Variants in EHD3 observed in about 807,000 individuals in gnomAD.
EHD3 encodes EH domain-containing protein 3.
Under a neutral mutation model 43.0 loss-of-function variants are expected in EHD3, and 17 were observed. The observed-to-expected ratio is 0.40, with a 90% CI of 0.27 to 0.59. The LOEUF is 0.59. Ranked by LOEUF, EHD3 falls within the 20% of genes least tolerant of loss-of-function variation. The pLI is 0.49. For missense variants in EHD3, 594 were observed against 705.6 expected (o/e 0.84, Z 1.79); for synonymous variants, 313 against 289.5 (o/e 1.08, Z -0.82).
At chr2:31,240,162 G>A (rs3769627) in intron 1 of EHD3, among the ~76,000 whole-genome samples, 80,186 of 152,044 alleles carry the variant, frequency 0.53, 22,732 homozygotes, top group East Asian at 0.79. Flanking sequence ...GCTTGTGTCT[G>A]TGGGATGCGT....
rs1301479247 is a variant in EHD3, at chr2:31,268,971, T to G, written c.*2267T>G. ...TTGAAGTCTCCACCCAGGAGAGACCTGTGAGGTGTGGGAATTCCATGTTTG... is the reference window on the plus strand; with the variant it reads ...TTGAAGTCTCCACCCAGGAGAGACCGGTGAGGTGTGGGAATTCCATGTTTG... On this transcript the variant is annotated 3_prime_UTR_variant, in exon 6 of 6. Transcript: ENST00000322054. 1 of 152,250 alleles carries G rather than the reference T, an allele frequency of 6.6e-6. No individual in the cohort carries two copies. The highest frequency in any genetic ancestry group is 1.5e-5 in the Non-Finnish European group (1 of 68,050). 9.4% of individuals were successfully genotyped at this position (152,250 alleles called of 1,614,324 possible).
intron 5 of EHD3, 76 bp downstream of exon 5, chr2:31,261,789 C>A (rs1683864837): frequency 1.9e-6 from 3 of 1,548,316 alleles, no homozygotes; most frequent in Admixed American, 3.6e-5. Flanking sequence ...ATGGAGGAGG[C>A]CACTCTTGGA....
rs1683999045 is a variant in EHD3 at position 31,268,686 on chromosome 2, A to G, written c.*1982A>G. 6.6e-6 allele frequency: 1 copy of G among 152,238 alleles called. No individual in the cohort carries two copies. The highest frequency in any genetic ancestry group is 1.5e-5 in the Non-Finnish European group (1 of 68,060). 9.4% of individuals were successfully genotyped at this position (152,238 alleles called of 1,614,324 possible). On this transcript the variant is annotated 3_prime_UTR_variant, in exon 6 of 6. Coordinates refer to ENST00000322054, the MANE Select transcript of EHD3 (RefSeq NM_014600.3). The stretch of plus-strand genomic sequence containing the variant: ...CTTTCACATGAAATGAAGGGCAGAC[A>G]AAGGCCAGGCAAAGAGGTCTCACCT...
rs978278830 is a variant in EHD3 at position 31,244,198 on chromosome 2, G to T, written c.228-76G>T. 4.9e-6 allele frequency: 7 copies of T among 1,442,372 alleles called. No homozygotes were observed. In the African/African-American group the frequency reaches 8.4e-5, roughly 17 times the overall value. 89.3% of individuals were successfully genotyped at this position (1,442,372 alleles called of 1,614,324 possible). A position where few individuals can be genotyped will look rare whatever the true frequency, so the allele number is the denominator to read the frequency against. On this transcript the variant is annotated intron_variant, in intron 1 of 5. Coordinates refer to ENST00000322054, the MANE Select transcript of EHD3 (RefSeq NM_014600.3). Reference sequence around the variant, plus strand: ...TGCCCTCCCCTCTGACTCGCATGTTGTCTGCCTTATAGTAGACATGCCGTG... The same window carrying T: ...TGCCCTCCCCTCTGACTCGCATGTTTTCTGCCTTATAGTAGACATGCCGTG...
Position 31,260,385 on chromosome 2 carries a change from G to C in EHD3, c.503-125G>C. 1 of 952,402 alleles carries C rather than the reference G, an allele frequency of 1.0e-6. No individual in the cohort carries two copies. Among genetic ancestry groups the C allele is most frequent in the Non-Finnish European group, 1.5e-6 (1 of 669,024 alleles). 59.0% of individuals were successfully genotyped at this position (952,402 alleles called of 1,614,324 possible). ...GAGTCCAAACAGTTAAAATGTGGAG[G>C]AGCCAGGATTTAAACTTAGATCTGA... On this transcript the variant is annotated intron_variant, in intron 3 of 5. Coordinates refer to ENST00000322054, the MANE Select transcript of EHD3 (RefSeq NM_014600.3). The surrounding 1 kb of genome is among the most constrained non-coding windows in gnomAD (Gnocchi z 4.6).
chr2:31,245,277 C>T (rs1683495581), intron 2 of EHD3, among the ~76,000 whole-genome samples: 1 of 152,018 alleles, frequency 6.6e-6, no homozygotes, highest in African/African-American at 2.4e-5. Flanking sequence ...ACAAAACTTA[C>T]TTGTTTCTAA....
At chr2:31,249,549 C>T in intron 3 of EHD3, 81 bp downstream of exon 3, 1 of 1,246,940 alleles carries the variant, frequency 8.0e-7, no homozygotes, top group Non-Finnish European at 1.2e-6. Context: ...AGAAGAGAAG[C>T]ACCCAGGGCC....
intron 3 of EHD3, 37 bp downstream of exon 3, chr2:31,249,505 C>T: frequency 1.9e-6 from 3 of 1,596,090 alleles, no homozygotes; most frequent in South Asian, 1.1e-5. Context: ...GCTGTGGGCT[C>T]CATGGTTCTG....
At position 31,266,842 on chromosome 2, in the gene EHD3, G is replaced by T. The variant is rs535776415; in HGVS notation, c.*138G>T. The T allele has an allele frequency of 1.8e-5, 21 of 1,169,102 alleles. No homozygotes were observed. In the African/African-American group the frequency reaches 3.1e-4, roughly 17 times the overall value. 72.4% of individuals were successfully genotyped at this position (1,169,102 alleles called of 1,614,324 possible). A position where few individuals can be genotyped will look rare whatever the true frequency, so the allele number is the denominator to read the frequency against. On this transcript the variant is annotated 3_prime_UTR_variant, in exon 6 of 6. Transcript: ENST00000322054. The surrounding 1 kb of genome is among the most constrained non-coding windows in gnomAD (Gnocchi z 5.1). ...TATCTTGACATTGCTCTGTAGGTGAGAGAGGACCATGACGCCCATGTTTGC... is the reference window on the plus strand; with the variant it reads ...TATCTTGACATTGCTCTGTAGGTGATAGAGGACCATGACGCCCATGTTTGC...
chr2:31,260,698 C>T lies in EHD3; in HGVS notation c.691C>T (p.Arg231Trp), dbSNP rs180893282. The change falls in exon 4 of 6, where the codon CGG (arginine) becomes TGG (tryptophan). Residue 231 changes from arginine to tryptophan, a missense_variant. Physicochemically the swap from Arg to Trp is moderately radical, Grantham distance 101. Coordinates refer to ENST00000322054, the MANE Select transcript of EHD3 (RefSeq NM_014600.3). The surrounding 1 kb of genome is among the most constrained non-coding windows in gnomAD (Gnocchi z 4.6). ...CCAGATCGAGACGCAGCAGCTGATGCGGGTGTACGGGGCCCTCATGTGGTC... is the reference window on the plus strand; with the variant it reads ...CCAGATCGAGACGCAGCAGCTGATGTGGGTGTACGGGGCCCTCATGTGGTC... The part of the protein sequence containing the change: ...ADQIETQQLM[R>W]VYGALMWSLG... 3 of 1,614,046 alleles carry T rather than the reference C, an allele frequency of 1.9e-6. No homozygotes were observed. Among genetic ancestry groups the T allele is most frequent in the South Asian group, 2.2e-5 (2 of 91,088 alleles).
At chr2:31,259,606 G>A (rs1227618814) in intron 3 of EHD3, among the ~76,000 whole-genome samples, 1 of 152,170 alleles carries the variant, frequency 6.6e-6, no homozygotes, top group African/African-American at 2.4e-5. Flanking sequence ...AACCCCTTGT[G>A]GTTTCAAGAG....
intron 3 of EHD3, among the ~76,000 whole-genome samples, chr2:31,251,334 G>T (rs1489841870): frequency 6.6e-6 from 1 of 152,224 alleles, no homozygotes; most frequent in Non-Finnish European, 1.5e-5. Context: ...CAGTGAGAGA[G>T]GCCCTCCAGG....
chr2:31,264,637 G>A (rs1467937762), intron 5 of EHD3, among the ~76,000 whole-genome samples: 5 of 143,738 alleles, frequency 3.5e-5, no homozygotes, highest in South Asian at 2.3e-4. Flanking sequence ...GGGTTCAAGC[G>A]ATTCTCCTCA....
At chr2:31,240,069 A>C (rs1208556111) in intron 1 of EHD3, among the ~76,000 whole-genome samples, 1 of 152,144 alleles carries the variant, frequency 6.6e-6, no homozygotes, top group Non-Finnish European at 1.5e-5. Flanking sequence ...TGCTTTCGAC[A>C]GGGCCAATTA....
intron 3 of EHD3, among the ~76,000 whole-genome samples, chr2:31,254,701 C>A (rs139986657): frequency 1.3e-5 from 2 of 152,292 alleles, no homozygotes; most frequent in African/African-American, 4.8e-5. Context: ...AGCCTCTGAG[C>A]TTCAGGCTCA....
chr2:31,239,759 G>A (rs1683383234), intron 1 of EHD3, among the ~76,000 whole-genome samples: 1 of 152,230 alleles, frequency 6.6e-6, no homozygotes, highest in Non-Finnish European at 1.5e-5. Context: ...TTCGGGGTGG[G>A]GAGGGGGAGG....
At chr2:31,256,417 C>G (rs1683754123) in intron 3 of EHD3, among the ~76,000 whole-genome samples, 2 of 152,200 alleles carry the variant, frequency 1.3e-5, no homozygotes, top group Non-Finnish European at 2.9e-5. Flanking sequence ...AAACGTGGAA[C>G]AGGTTTCCAC....
rs1232038539 is a variant in EHD3 at position 31,261,620 on chromosome 2, G to A, written c.987G>A (p.Lys329=). The change falls in exon 5 of 6, where the codon AAG becomes AAA. Residue 329 remains lysine (K), a synonymous_variant. Transcript: ENST00000322054. ...PSVFGKDNKK[K]ELVNNLAEIY... ...TGTTCGGGAAGGACAACAAGAAGAA[G>A]GAGCTGGTCAACAACCTGGCCGAGA... 6.2e-7 allele frequency: 1 copy of A among 1,614,252 alleles called. No individual in the cohort carries two copies. Among genetic ancestry groups the A allele is most frequent in the Non-Finnish European group, 8.5e-7 (1 of 1,180,050 alleles).
intron 3 of EHD3, among the ~76,000 whole-genome samples, chr2:31,250,070 C>A (rs1034479253): frequency 6.0e-5 from 2 of 33,226 alleles, no homozygotes; most frequent in Non-Finnish European, 1.0e-4. Flanking sequence ...CAGCAGGTTT[C>A]TTTATTTCAG....
Sources: gnomAD v4.1 joint callset for allele counts (sites outside exome capture counted in the v4.1 genomes callset) on GRCh38, gnomAD v4.1.1 for gene constraint, Gnocchi (gnomAD v3.1) non-coding constraint, MANE v1.5 for transcripts, NCBI Gene and HGNC (gene_info 2026-07-23, HGNC 2026-07-21) for gene names.